Variants in LNPK observed in about 807,000 individuals in gnomAD.
The protein encoded by LNPK is endoplasmic reticulum junction formation protein lunapark.
Under a neutral mutation model 55.2 loss-of-function variants are expected in LNPK, and 29 were observed. The observed-to-expected ratio is 0.53, with a 90% CI of 0.39 to 0.72. LNPK has a LOEUF of 0.72. Ranked by LOEUF, LNPK falls within the 30% of genes least tolerant of loss-of-function variation. The pLI, the probability that LNPK is intolerant of heterozygous loss-of-function variation, is 0.00. For missense variants in LNPK, 467 were observed against 494.8 expected, an observed-to-expected ratio of 0.94 and a Z score of 0.53; for synonymous variants, 162 against 168.2, an observed-to-expected ratio of 0.96 and a Z score of 0.29.
At chr2:175,981,306 AAC>A (rs1246325427) in intron 4 of LNPK, among the ~76,000 whole-genome samples, 2 of 152,232 alleles carry the variant, frequency 1.3e-5, no homozygotes, top group African/African-American at 4.8e-5. Context: ...ATGATATGAG[AAC>A]AGTCAAAGAA....
At chr2:175,956,296 A>T (rs1278042181) in intron 8 of LNPK, among the ~76,000 whole-genome samples, 1 of 151,196 alleles carries the variant, frequency 6.6e-6, no homozygotes, top group Non-Finnish European at 1.5e-5. Context: ...AAAAAAAAAA[A>T]GATTTCATTT....
At position 175,995,804 on chromosome 2, in the gene LNPK, C is replaced by CTTTTTTTTTTT. The variant is rs10674444; in HGVS notation, c.-62-169_-62-159dup. On this transcript the variant is annotated intron_variant, in intron 1 of 12. Transcript: ENST00000272748. Reference sequence around the variant, plus strand: ...AGACAGTTATTGGGATAGAGTCTACCTTTTTTTTTTTTTTTTTTTTTTTTT... The same window carrying CTTTTTTTTTTT: ...AGACAGTTATTGGGATAGAGTCTACCTTTTTTTTTTTTTTTTTTTTTTTTTTTTTTTTTTTT... 3.9e-4 allele frequency among the ~76,000 whole-genome samples: 26 copies of CTTTTTTTTTTT among 66,424 alleles called. 6 individuals are homozygous for CTTTTTTTTTTT. The highest frequency in any genetic ancestry group is 1.7e-3 in the South Asian group (2 of 1,200). 43.6% of individuals were successfully genotyped at this position (66,424 alleles called of 152,430 possible).
chr2:175,956,407 C>T (rs574696783), intron 8 of LNPK, among the ~76,000 whole-genome samples: 1 of 151,870 alleles, frequency 6.6e-6, no homozygotes, highest in Non-Finnish European at 1.5e-5. Flanking sequence ...AATAACTGAT[C>T]ACTTCTCAGG....
intron 3 of LNPK, 41 bp from the exon 4 acceptor site, chr2:175,992,459 T>G (rs1363928477): frequency 8.1e-7 from 1 of 1,235,046 alleles, no homozygotes; most frequent in Non-Finnish European, 1.1e-6. Context: ...AATTTCAAAC[T>G]TCATAAAGAA....
chr2:175,935,378 A>G (rs1684492538), intron 12 of LNPK, among the ~76,000 whole-genome samples: 1 of 152,204 alleles, frequency 6.6e-6, no homozygotes. Context: ...GTCTTCATTA[A>G]TAGTTCAATA....
intron 8 of LNPK, among the ~76,000 whole-genome samples, chr2:175,951,605 A>ATATATATATATATATATATATC (rs1441190050): frequency 7.7e-6 from 1 of 129,696 alleles, no homozygotes; most frequent in African/African-American, 2.9e-5. Context: ...ATATATATAT[A>ATATATATATATATATATATATC]TATATCTCAG....
chr2:175,997,554 GA>G (rs2105371503), intron 1 of LNPK, among the ~76,000 whole-genome samples: 1 of 152,180 alleles, frequency 6.6e-6, no homozygotes, highest in South Asian at 2.1e-4. Context: ...ATTTTGGTTT[GA>G]AGTAGAATTA....
chr2:175,947,130 A>G (rs1476889014), intron 9 of LNPK, among the ~76,000 whole-genome samples: 1 of 152,230 alleles, frequency 6.6e-6, no homozygotes, highest in Non-Finnish European at 1.5e-5. Flanking sequence ...ACATCAATAC[A>G]TTCCAAAAGT....
rs1385054527 is a variant in LNPK, at chr2:175,937,482, G to C, written c.916C>G (p.Pro306Ala). 12 of 1,612,082 alleles carry C rather than the reference G, an allele frequency of 7.4e-6. No individual in the cohort carries two copies. Among genetic ancestry groups the C allele is most frequent in the Non-Finnish European group, 1.0e-5 (12 of 1,179,118 alleles). Residue 306 changes from proline (P) to alanine (A), a missense_variant, in exon 12 of 13, where the codon CCT becomes GCT. Coordinates refer to ENST00000272748, the MANE Select transcript of LNPK (RefSeq NM_030650.3). ...GCCTGAGGTCTGGTTTTTCTTGCAG[G>C]GTTCAAGAAAAAACAGTAGGCACAT... ...FRCAYCFFLNPARKTRPQAPR... is the reference protein window; with the variant it reads ...FRCAYCFFLNAARKTRPQAPR...
intron 8 of LNPK, among the ~76,000 whole-genome samples, chr2:175,954,274 TC>T (rs1685574535): frequency 6.6e-6 from 1 of 152,176 alleles, no homozygotes; most frequent in African/African-American, 2.4e-5. Context: ...CAATCTATTT[TC>T]CTCTTGCATT....
intron 11 of LNPK, 38 bp downstream of exon 11, chr2:175,938,260 AATAAAATATTTAAGC>A (rs1335433125): frequency 9.0e-7 from 1 of 1,111,830 alleles, no homozygotes; most frequent in Non-Finnish European, 1.4e-6. Context: ...AATGGCATAG[AATAAAATATTTAAGC>A]ATAAAATATT....
chr2:175,966,318 C>A (rs896656768), intron 6 of LNPK, among the ~76,000 whole-genome samples: 15 of 152,190 alleles, frequency 9.9e-5, no homozygotes, highest in Non-Finnish European at 1.8e-4. Context: ...CATACCTCAG[C>A]CTCCCAAAGT....
rs911803075 is a variant in LNPK at position 175,931,378 on chromosome 2, CAT to C, written c.1055-1181_1055-1180del. Among the ~76,000 whole-genome samples the C allele has an allele frequency of 9.2e-5, 14 of 152,272 alleles. No homozygotes were observed. The South Asian group carries it at 2.3e-3, about 25-fold the overall frequency. On this transcript the variant is annotated intron_variant, in intron 12 of 12. Transcript: ENST00000272748. ...GCAAAGAAATTATGTGTTATATGCA[CAT>C]GTGTTAATATGGAAGTCTTAGAAAT...
In LNPK at chr2:175,925,085, T is replaced by A. The variant is rs1013577819; in HGVS notation, c.*4882A>T. On this transcript the variant is annotated 3_prime_UTR_variant, in exon 13 of 13. Transcript: ENST00000272748. ...GCACCATTTCTAAGTCATTTAGGAT[T>A]TTCGGAAACTCAGCATACTATATTT... 1 of 152,136 alleles carries A rather than the reference T, an allele frequency of 6.6e-6. No homozygotes were observed. The highest frequency in any genetic ancestry group is 1.5e-5 in the Non-Finnish European group (1 of 68,016). The allele number at this position is 152,136 out of a possible 1,614,324, so 9.4% of individuals were successfully genotyped here. A position where few individuals can be genotyped will look rare whatever the true frequency, so the allele number is the denominator to read the frequency against.
In LNPK at chr2:175,995,804, CTTTTTTTTTT is replaced by C. The variant is rs10674444; in HGVS notation, c.-62-168_-62-159del. Among the ~76,000 whole-genome samples the C allele has an allele frequency of 2.4e-4, 16 of 66,398 alleles. No homozygotes were observed. The Admixed American group carries it at 2.8e-3, about 12-fold the overall frequency. 43.6% of individuals were successfully genotyped at this position (66,398 alleles called of 152,430 possible). On this transcript the variant is annotated intron_variant, in intron 1 of 12. Transcript: ENST00000272748. ...AGACAGTTATTGGGATAGAGTCTAC[CTTTTTTTTTT>C]TTTTTTTTTTTTTTTTTGAGATGGA...
At position 175,943,488 on chromosome 2, in the gene LNPK, CTAA is replaced by C. The variant is rs1684964400; in HGVS notation, c.707-3834_707-3832del. On this transcript the variant is annotated intron_variant, in intron 9 of 12. Transcript: ENST00000272748. ...CAAAAAAACCACAGACCCAATATTC[CTAA>C]TGAGTATTGATATAAACATTTTTAA... Among the ~76,000 whole-genome samples the C allele has an allele frequency of 2.0e-5, 3 of 152,010 alleles. No individual in the cohort carries two copies. In the South Asian group the frequency reaches 6.2e-4, roughly 32 times the overall value.
intron 6 of LNPK, among the ~76,000 whole-genome samples, chr2:175,969,291 T>C (rs1371225399): frequency 2.0e-5 from 3 of 152,212 alleles, no homozygotes; most frequent in Admixed American, 1.3e-4. Context: ...CTCAACTTTT[T>C]CAACTGTTGT....
intron 1 of LNPK, among the ~76,000 whole-genome samples, chr2:176,001,169 T>C (rs944026766): frequency 3.3e-5 from 5 of 152,190 alleles, no homozygotes; most frequent in Admixed American, 6.5e-5. Context: ...AAAAGTCAAC[T>C]TGGTCTTCTG....
intron 12 of LNPK, among the ~76,000 whole-genome samples, chr2:175,935,515 T>A (rs1252535935): frequency 6.6e-6 from 1 of 152,242 alleles, no homozygotes; most frequent in Non-Finnish European, 1.5e-5. Context: ...GAGTTAGATG[T>A]CTTGAGAAAA....
Sources: allele counts gnomAD v4.1 joint callset (sites outside exome capture counted in the v4.1 genomes callset), GRCh38; gene constraint gnomAD v4.1.1; transcripts MANE v1.5; gene names NCBI Gene and HGNC (gene_info 2026-07-23, HGNC 2026-07-21).